PCDHGB1: variants seen among roughly 807,000 people sequenced by gnomAD.
PCDHGB1 encodes the protein protocadherin gamma subfamily B, 1.
Under a neutral mutation model 56.6 loss-of-function variants are expected in PCDHGB1, and 34 were observed. That is an observed-to-expected ratio of 0.60 (90% CI 0.46 to 0.80). The LOEUF (loss-of-function observed/expected upper bound fraction) is 0.80, where lower values mean the gene tolerates loss of function less well. Ranked by LOEUF, PCDHGB1 falls within the 30% of genes least tolerant of loss-of-function variation. The pLI is 0.00. For missense variants in PCDHGB1, 1,278 were observed against 1,204.6 expected (o/e 1.06, Z -0.90); for synonymous variants, 561 against 505.9 (o/e 1.11, Z -1.46).
chr5:141,428,190 T>C (rs1348507135), intron 1 of PCDHGB1: 2 of 1,429,918 alleles, frequency 1.4e-6, no homozygotes, highest in Non-Finnish European at 1.9e-6. Flanking sequence ...CAGCCGCCGC[T>C]CTCTGCGCCG....
At chr5:141,376,267 G>A (rs1021502624) in intron 1 of PCDHGB1, 6 of 1,614,210 alleles carry the variant, frequency 3.7e-6, no homozygotes, top group Non-Finnish European at 5.1e-6. Context: ...TGCAGGCTTC[G>A]GGAGGTGGCT....
chr5:141,434,795 T>C (rs1027924206), intron 1 of PCDHGB1, among the ~76,000 whole-genome samples: 2 of 152,004 alleles, frequency 1.3e-5, no homozygotes, highest in African/African-American at 2.4e-5. Context: ...TTTTTTTTTC[T>C]GAGCTTGGAG....
Position 141,477,403 on chromosome 5 carries a change from C to T in PCDHGB1, c.2410-17404C>T, listed in dbSNP as rs1329599078. 2 of 1,614,164 alleles carry T rather than the reference C, an allele frequency of 1.2e-6. No individual in the cohort carries two copies. Among genetic ancestry groups the T allele is most frequent in the Non-Finnish European group, 1.7e-6 (2 of 1,180,042 alleles). ...CAGAATACAACCTCAGCATCACCGC[C>T]CGAGACGCCGGAACCCCTTCCCTCT... is the stretch of plus-strand genomic sequence containing the variant. On this transcript the variant is annotated intron_variant, in intron 1 of 3. Transcript: ENST00000523390. The surrounding 1 kb of genome is among the most constrained non-coding windows in gnomAD (Gnocchi z 4.9).
chr5:141,415,522 C>T, intron 1 of PCDHGB1: 1 of 1,614,178 alleles, frequency 6.2e-7, no homozygotes, highest in African/African-American at 1.3e-5. Flanking sequence ...TGCGGACACG[C>T]TCATCAGCCA....
intron 1 of PCDHGB1, chr5:141,412,531 T>G (rs534627173): frequency 1.7e-4 from 26 of 152,304 alleles, no homozygotes; most frequent in African/African-American, 5.8e-4. Flanking sequence ...GTTACAATTA[T>G]AAAGCTTCAG....
rs2099710219 is a variant in PCDHGB1, at chr5:141,491,289, C to A, written c.2410-3518C>A. On this transcript the variant is annotated intron_variant, in intron 1 of 3. Transcript: ENST00000523390. The surrounding 1 kb of genome is among the most constrained non-coding windows in gnomAD (Gnocchi z 6.9). The stretch of plus-strand genomic sequence containing the variant: ...CCAAATCCAGTGACTTCCTCATACA[C>A]CCTCCTGAGCGTTCAGACCTTACCC... 1 of 1,614,112 alleles carries A rather than the reference C, an allele frequency of 6.2e-7. No homozygotes were observed. Among genetic ancestry groups the A allele is most frequent in the Non-Finnish European group, 8.5e-7 (1 of 1,179,942 alleles).
At chr5:141,413,089 C>A in intron 1 of PCDHGB1, 1 of 1,401,120 alleles carries the variant, frequency 7.1e-7, no homozygotes, top group Non-Finnish European at 9.7e-7. Context: ...TACAGAGACA[C>A]CCTGAAGCCA....
intron 1 of PCDHGB1, chr5:141,423,313 G>T (rs1407028245): frequency 1.2e-6 from 2 of 1,614,184 alleles, no homozygotes; most frequent in Non-Finnish European, 1.7e-6. Context: ...GTACTTGGTG[G>T]TGGCGGTGGC....
At chr5:141,369,542 A>T (rs553503598) in intron 1 of PCDHGB1, among the ~76,000 whole-genome samples, 1 of 152,332 alleles carries the variant, frequency 6.6e-6, no homozygotes, top group South Asian at 2.1e-4. Context: ...TTTAATTAAA[A>T]GTAGACACTT....
chr5:141,459,284 A>C (rs2098965103), intron 1 of PCDHGB1, among the ~76,000 whole-genome samples: 1 of 152,174 alleles, frequency 6.6e-6, no homozygotes, highest in African/African-American at 2.4e-5. Flanking sequence ...ATTTCATCTA[A>C]ATGGAATCCT....
At chr5:141,419,728 A>T (rs2096421858) in intron 1 of PCDHGB1, 1 of 1,613,466 alleles carries the variant, frequency 6.2e-7, no homozygotes. Flanking sequence ...GGCTGCGAAC[A>T]GGCGAGGTGC....
chr5:141,365,671 C>G, intron 1 of PCDHGB1: 1 of 1,613,394 alleles, frequency 6.2e-7, no homozygotes, highest in Admixed American at 1.7e-5. Flanking sequence ...ACGTTAATGA[C>G]AACCCACCCA....
chr5:141,476,179 T>C lies in PCDHGB1; in HGVS notation c.2410-18628T>C, dbSNP rs1283155400. 26 of 1,613,476 alleles carry C rather than the reference T, an allele frequency of 1.6e-5. No homozygotes were observed. The highest frequency in any genetic ancestry group is 2.0e-5 in the Non-Finnish European group (24 of 1,179,998). On this transcript the variant is annotated intron_variant, in intron 1 of 3. Transcript: ENST00000523390. This position sits in a 1 kb window ranked among gnomAD's most constrained non-coding sequence, Gnocchi z 7.6. Reference sequence around the variant, plus strand: ...CCGGGAGGGTAGTGGGAGTTTTGCTTCTGCTTGGTGCCTTGAACAAGGCTT... The same window carrying C: ...CCGGGAGGGTAGTGGGAGTTTTGCTCCTGCTTGGTGCCTTGAACAAGGCTT...
intron 1 of PCDHGB1, among the ~76,000 whole-genome samples, chr5:141,488,348 C>G (rs1231687770): frequency 3.2e-4 from 49 of 152,106 alleles, no homozygotes; most frequent in Admixed American, 3.2e-3. Context: ...TAGAAACAGC[C>G]ACCCTGTGCA....
intron 1 of PCDHGB1, chr5:141,375,434 A>G (rs1423365367): frequency 1.9e-6 from 3 of 1,613,800 alleles, no homozygotes; most frequent in Non-Finnish European, 2.5e-6. Flanking sequence ...CAACCCGCCC[A>G]CCTTCCCCCA....
intron 1 of PCDHGB1, chr5:141,428,863 T>C (rs1160939898): frequency 6.7e-6 from 1 of 149,182 alleles, no homozygotes; most frequent in African/African-American, 2.4e-5. Context: ...CGGGAGACTT[T>C]TTTTTTTTTT....
intron 1 of PCDHGB1, chr5:141,418,003 G>T (rs1441842557): frequency 6.2e-7 from 1 of 1,613,798 alleles, no homozygotes; most frequent in Non-Finnish European, 8.5e-7. Context: ...CGGTGGTGGG[G>T]AACCTCGCTA....
chr5:141,357,523 T>C, intron 1 of PCDHGB1: 1 of 1,614,170 alleles, frequency 6.2e-7, no homozygotes, highest in Non-Finnish European at 8.5e-7. Context: ...CCAACCCAGC[T>C]ATGCAGACAC....
intron 1 of PCDHGB1, chr5:141,409,879 A>G (rs1175297210): frequency 1.9e-6 from 3 of 1,612,734 alleles, no homozygotes; most frequent in African/African-American, 2.7e-5. Flanking sequence ...ATGACAACGC[A>G]CCGCGGGTGC....
Sources: gnomAD v4.1 joint callset for allele counts (sites outside exome capture counted in the v4.1 genomes callset) on GRCh38, gnomAD v4.1.1 for gene constraint, Gnocchi (gnomAD v3.1) non-coding constraint, MANE v1.5 for transcripts, NCBI Gene and HGNC (gene_info 2026-07-23, HGNC 2026-07-21) for gene names.